Variants in DCDC2 observed in about 807,000 individuals in gnomAD.
DCDC2 encodes doublecortin domain-containing protein 2.
In DCDC2, 40 loss-of-function variants were observed where a neutral mutation model predicts 50.2. The ratio of observed to expected loss-of-function variants is 0.80; its 90% CI spans 0.62 to 1.04. DCDC2 has a LOEUF of 1.04. Among genes scored for constraint, DCDC2 ranks in the 50% least tolerant of loss-of-function variants. DCDC2 has a pLI of 0.00. For synonymous variants in DCDC2, 234 were observed against 210.6 expected (o/e 1.11, Z -0.96); for missense variants, 570 against 581.9 (o/e 0.98, Z 0.21).
chr6:24,251,789 C>T (rs1173475174), intron 7 of DCDC2, among the ~76,000 whole-genome samples: 2 of 152,208 alleles, frequency 1.3e-5, no homozygotes, highest in African/African-American at 4.8e-5. Context: ...TTTCTATGCA[C>T]ATTATAATCT....
At chr6:24,359,468 A>T (rs1760614954), upstream of DCDC2, among the ~76,000 whole-genome samples, 1 of 17,166 alleles carries the variant, frequency 5.8e-5, no homozygotes, top group South Asian at 6.7e-3. Context: ...TATATACTAT[A>T]TAATATATAT....
the DCDC2 span, among the ~76,000 whole-genome samples, chr6:24,364,865 TATTG>T: frequency 6.6e-6 from 1 of 152,142 alleles, no homozygotes; most frequent in East Asian, 1.9e-4. Flanking sequence ...TCTTAGCCAG[TATTG>T]AGTTTTAATA....
chr6:24,337,846 C>G lies in DCDC2; in HGVS notation c.348+15723G>C, dbSNP rs546954196. ...AGGAAATTGAAAGAATATTTTATCC[C>G]TTTTCTGGATTCACTTCCTAATTCT... On this transcript the variant is annotated intron_variant, in intron 2 of 9. Coordinates refer to ENST00000378454, the MANE Select transcript of DCDC2 (RefSeq NM_016356.5). 5.4e-4 allele frequency among the ~76,000 whole-genome samples: 82 copies of G among 151,680 alleles called. No homozygotes were observed. The South Asian group carries it at 0.015, about 28-fold the overall frequency.
intron 8 of DCDC2, among the ~76,000 whole-genome samples, chr6:24,184,446 T>C (rs1761148592): frequency 1.3e-5 from 2 of 151,922 alleles, no homozygotes; most frequent in African/African-American, 4.8e-5. Context: ...TGGTGGTGCA[T>C]ATCTGTAATC....
the DCDC2 span, among the ~76,000 whole-genome samples, chr6:24,377,629 G>A: frequency 2.6e-4 from 40 of 152,274 alleles, 1 homozygote; most frequent in African/African-American, 9.1e-4. Flanking sequence ...CAATAGAAAA[G>A]TTACTTAATT....
intron 7 of DCDC2, among the ~76,000 whole-genome samples, chr6:24,242,272 G>C (rs967416102): frequency 1.1e-4 from 16 of 152,068 alleles, no homozygotes; most frequent in African/African-American, 3.6e-4. Context: ...AATCTCCCTA[G>C]ACAGGTCATC....
intron 2 of DCDC2, among the ~76,000 whole-genome samples, chr6:24,351,942 A>G (rs1483619175): frequency 6.6e-6 from 1 of 152,082 alleles, no homozygotes; most frequent in Non-Finnish European, 1.5e-5. Context: ...CGTCTCTACG[A>G]AAAACAAAAA....
the DCDC2 span, among the ~76,000 whole-genome samples, chr6:24,381,849 AGGAAGGAAGG>A: frequency 7.3e-6 from 1 of 137,020 alleles, no homozygotes; most frequent in Non-Finnish European, 1.6e-5. Context: ...GAAGGAAGGA[AGGAAGGAAGG>A]AGAAATAAAA....
At chr6:24,370,061 C>A in the DCDC2 span, among the ~76,000 whole-genome samples, 3 of 151,620 alleles carry the variant, frequency 2.0e-5, no homozygotes, top group Non-Finnish European at 4.4e-5. Flanking sequence ...AAAAAAAAAT[C>A]TAATTAGGTC....
At chr6:24,230,260 C>T (rs1762311574) in intron 7 of DCDC2, among the ~76,000 whole-genome samples, 1 of 152,094 alleles carries the variant, frequency 6.6e-6, no homozygotes, top group Admixed American at 6.5e-5. Context: ...TGACAAGGAA[C>T]AGGATTATTA....
chr6:24,292,007 C>T (rs573497019), intron 4 of DCDC2, among the ~76,000 whole-genome samples: 7 of 151,408 alleles, frequency 4.6e-5, no homozygotes, highest in Admixed American at 1.3e-4. Context: ...TTTTTTTTGC[C>T]GTCCCTACTA....
intron 2 of DCDC2, among the ~76,000 whole-genome samples, chr6:24,320,032 C>T (rs917926181): frequency 3.3e-5 from 5 of 152,132 alleles, no homozygotes; most frequent in African/African-American, 1.2e-4. Flanking sequence ...CTTGGGAAAA[C>T]GGTATTCTTA....
chr6:24,358,907 A>T (rs1403859746), upstream of DCDC2, among the ~76,000 whole-genome samples: 1 of 22,506 alleles, frequency 4.4e-5, no homozygotes, highest in African/African-American at 3.3e-4. Context: ...ATAATATATT[A>T]TATATTATAT....
chr6:24,241,260 A>C (rs1762556060), intron 7 of DCDC2, among the ~76,000 whole-genome samples: 1 of 152,232 alleles, frequency 6.6e-6, no homozygotes, highest in African/African-American at 2.4e-5. Context: ...TGACCAAAAA[A>C]GCTAGAAAGA....
At chr6:24,311,692 C>T (rs1759572598) in intron 2 of DCDC2, among the ~76,000 whole-genome samples, 1 of 152,140 alleles carries the variant, frequency 6.6e-6, no homozygotes, top group Non-Finnish European at 1.5e-5. Flanking sequence ...AAAGATGAGC[C>T]TCCCCATCTC....
intron 7 of DCDC2, among the ~76,000 whole-genome samples, chr6:24,225,679 T>C (rs1310515091): frequency 6.6e-6 from 1 of 150,766 alleles, no homozygotes; most frequent in African/African-American, 2.4e-5. Context: ...ATATATTACA[T>C]TAAAACAACT....
At chr6:24,247,542 G>A (rs1202368413) in intron 7 of DCDC2, among the ~76,000 whole-genome samples, 1 of 151,954 alleles carries the variant, frequency 6.6e-6, no homozygotes, top group Non-Finnish European at 1.5e-5. Flanking sequence ...GGCTAAGAAG[G>A]GAAGAACATA....
At chr6:24,376,997 G>A in the DCDC2 span, among the ~76,000 whole-genome samples, 11 of 152,016 alleles carry the variant, frequency 7.2e-5, no homozygotes, top group East Asian at 7.7e-4. Context: ...AAAAATCCTC[G>A]GAGAGATTCA....
intron 2 of DCDC2, among the ~76,000 whole-genome samples, chr6:24,308,146 A>G (rs1759507836): frequency 6.6e-6 from 1 of 152,264 alleles, no homozygotes; most frequent in Non-Finnish European, 1.5e-5. Context: ...ACAAAAGCCA[A>G]GAGCAGGGCA....
Sources: allele counts gnomAD v4.1 joint callset (sites outside exome capture counted in the v4.1 genomes callset), GRCh38; gene constraint gnomAD v4.1.1; transcripts MANE v1.5; gene names NCBI Gene and HGNC (gene_info 2026-07-23, HGNC 2026-07-21).